Variants in DNAH9 observed in about 807,000 individuals in gnomAD.
DNAH9 encodes the protein dynein axonemal heavy chain 9.
A neutral mutation model predicts 471.6 loss-of-function variants in DNAH9; 345 were observed. That is an observed-to-expected ratio of 0.73 (90% CI 0.67 to 0.80). The LOEUF (loss-of-function observed/expected upper bound fraction) is 0.80, where lower values mean the gene tolerates loss of function less well. Ranked by LOEUF, DNAH9 falls within the 30% of genes least tolerant of loss-of-function variation. DNAH9 has a pLI of 0.00. For synonymous variants in DNAH9, 2,093 were observed against 2,123.6 expected (o/e 0.99, Z 0.40); for missense variants, 5,407 against 5,609.2 (o/e 0.96, Z 1.15).
intron 14 of DNAH9, 123 bp from the exon 15 acceptor site, chr17:11,664,710 T>G: frequency 1.3e-6 from 1 of 780,296 alleles, no homozygotes; most frequent in Non-Finnish European, 2.1e-6. Context: ...GATACATGTG[T>G]AATAGCAAAT....
chr17:11,600,061 C>A (rs563381975), intron 1 of DNAH9, among the ~76,000 whole-genome samples: 9 of 152,108 alleles, frequency 5.9e-5, no homozygotes, highest in African/African-American at 2.2e-4. Flanking sequence ...GTGAAAATTC[C>A]AGGGAAAGGG....
Position 11,880,170 on chromosome 17 carries a change from T to C in DNAH9, c.10571T>C (p.Leu3524Pro). ...TCCATTGATCCTGTTCTGGGACCCCTGCTTGGGAGAGAAGTCATTAAAAAA... is the reference window on the plus strand; with the variant it reads ...TCCATTGATCCTGTTCTGGGACCCCCGCTTGGGAGAGAAGTCATTAAAAAA... ...EESIDPVLGP[L>P]LGREVIKKGR... Residue 3524 changes from leucine to proline, a missense_variant, in exon 54 of 69, where the codon CTG becomes CCG. This residue lies in a region of DNAH9 where 4,636 missense variants were observed against 4,900.3 expected (regional missense o/e 0.95). Transcript: ENST00000262442. 1 of 1,613,904 alleles carries C rather than the reference T, an allele frequency of 6.2e-7. No individual in the cohort carries two copies. Among genetic ancestry groups the C allele is most frequent in the Non-Finnish European group, 8.5e-7 (1 of 1,179,856 alleles).
chr17:11,792,145 A>T (rs1969087596), intron 41 of DNAH9, among the ~76,000 whole-genome samples: 1 of 151,874 alleles, frequency 6.6e-6, no homozygotes, highest in Non-Finnish European at 1.5e-5. Flanking sequence ...ATGGTGGCGC[A>T]TGCCTGCAAT....
chr17:11,965,554 T>C (rs1422724215), intron 68 of DNAH9, among the ~76,000 whole-genome samples: 4 of 152,174 alleles, frequency 2.6e-5, no homozygotes, highest in Non-Finnish European at 5.9e-5. Flanking sequence ...AAAAAAATTA[T>C]GATATACAAA....
In DNAH9 at chr17:11,694,426, CA is replaced by C; in HGVS notation, c.4853del (p.Asn1618ThrfsTer26). On this transcript the variant is annotated frameshift_variant, in exon 22 of 69. Transcript: ENST00000262442. LOFTEE classifies it high-confidence loss of function. ...CCTCCGATCTGTTAGACATCCTTTC[CA>C]ACGGCACAGCTCCACAACAGGTAAG... ...SSSDLLDILS[N>X]GTAPQQVQRH... The C allele has an allele frequency of 6.2e-7, 1 of 1,613,206 alleles. No individual in the cohort carries two copies. Among genetic ancestry groups the C allele is most frequent in the Non-Finnish European group, 8.5e-7 (1 of 1,179,866 alleles).
At chr17:11,741,165 G>A (rs936753974) in intron 29 of DNAH9, among the ~76,000 whole-genome samples, 21 of 152,018 alleles carry the variant, frequency 1.4e-4, no homozygotes, top group African/African-American at 4.1e-4. Flanking sequence ...AAATGTGCTC[G>A]AATGAAATGT....
chr17:11,822,715 G>A (rs1380163092), intron 47 of DNAH9, 86 bp from the exon 48 acceptor site: 4 of 1,587,616 alleles, frequency 2.5e-6, no homozygotes, highest in East Asian at 2.2e-5. Flanking sequence ...TCCACATGGT[G>A]GAGGAATGGC....
At position 11,822,793 on chromosome 17, in the gene DNAH9, G is replaced by A; in HGVS notation, c.9013-8G>A. 6.2e-7 allele frequency: 1 copy of A among 1,613,840 alleles called. No individual in the cohort carries two copies. The highest frequency in any genetic ancestry group is 1.1e-5 in the South Asian group (1 of 91,046). ...ATAATCTTTTCATTTCTTGCTCTTT[G>A]GTTTTAGCCCACAGTAAAGCAGTCG... is the stretch of plus-strand genomic sequence containing the variant. On this transcript the variant is annotated splice_polypyrimidine_tract_variant and splice_region_variant and intron_variant, in intron 47 of 68. Transcript: ENST00000262442.
chr17:11,641,434 G>A (rs1037327709), intron 10 of DNAH9, among the ~76,000 whole-genome samples: 5 of 152,112 alleles, frequency 3.3e-5, no homozygotes, highest in East Asian at 1.9e-4. Flanking sequence ...TCTGCCCAGC[G>A]GGTGACCCAT....
Position 11,679,979 on chromosome 17 carries a change from G to A in DNAH9, c.3576G>A (p.Glu1192=), listed in dbSNP as rs772242694. Residue 1192 remains glutamate (E), a splice_region_variant and synonymous_variant, in exon 18 of 69, where the codon GAG becomes GAA. Coordinates refer to ENST00000262442, the MANE Select transcript of DNAH9 (RefSeq NM_001372.4). ...ELPETVFKQL[E]ELPEKWNNIK... is the part of the protein sequence containing the mutation. ...CAGAAACAGTGTTTAAGCAGCTGGA[G>A]GTCAGTGCATTTATGTCTTCCTTAT... The A allele has an allele frequency of 1.9e-6, 3 of 1,611,180 alleles. No homozygotes were observed. The highest frequency in any genetic ancestry group is 2.5e-6 in the Non-Finnish European group (3 of 1,177,554).
chr17:11,929,800 A>G, intron 62 of DNAH9, 66 bp from the exon 63 acceptor site: 1 of 1,390,790 alleles, frequency 7.2e-7, no homozygotes, highest in South Asian at 1.3e-5. Context: ...CTTCCTGACA[A>G]CTATTTACTG....
intron 41 of DNAH9, among the ~76,000 whole-genome samples, chr17:11,785,489 A>G (rs7220614): frequency 0.059 from 8,979 of 152,224 alleles, 916 homozygotes; most frequent in African/African-American, 0.21. Flanking sequence ...TGACGACATA[A>G]GGCCAGGTTG....
At chr17:11,671,094 C>T (rs2073964953) in intron 17 of DNAH9, among the ~76,000 whole-genome samples, 1 of 152,208 alleles carries the variant, frequency 6.6e-6, no homozygotes, top group African/African-American at 2.4e-5. Flanking sequence ...AGAGGAAATG[C>T]TGATGGGTGG....
At chr17:11,820,924 T>C (rs1160796635) in intron 45 of DNAH9, among the ~76,000 whole-genome samples, 1 of 151,890 alleles carries the variant, frequency 6.6e-6, no homozygotes, top group African/African-American at 2.4e-5. Flanking sequence ...TTTTCTCTTA[T>C]TTCCCTGCAT....
At chr17:11,862,148 T>C (rs1307207625) in intron 50 of DNAH9, among the ~76,000 whole-genome samples, 2 of 131,878 alleles carry the variant, frequency 1.5e-5, no homozygotes, top group African/African-American at 2.8e-5. Flanking sequence ...TTTATATGGT[T>C]TTAGGTCTAA....
chr17:11,788,268 A>G (rs1968941102), intron 41 of DNAH9, among the ~76,000 whole-genome samples: 1 of 152,324 alleles, frequency 6.6e-6, no homozygotes, highest in South Asian at 2.1e-4. Flanking sequence ...GAGAGCTAAG[A>G]AGGAGACAGA....
chr17:11,876,451 A>C (rs764209102), intron 53 of DNAH9, among the ~76,000 whole-genome samples: 32 of 152,006 alleles, frequency 2.1e-4, no homozygotes, highest in Admixed American at 7.8e-4. Context: ...AAAACAATTT[A>C]AATAAAATAA....
chr17:11,652,377 C>A (rs1031103494), intron 13 of DNAH9, among the ~76,000 whole-genome samples: 3 of 149,752 alleles, frequency 2.0e-5, no homozygotes, highest in African/African-American at 7.4e-5. Flanking sequence ...GCTCTGCCTC[C>A]CGGGTTCACG....
intron 62 of DNAH9, among the ~76,000 whole-genome samples, chr17:11,928,341 TTG>T (rs1355175784): frequency 6.6e-6 from 1 of 152,158 alleles, no homozygotes; most frequent in Non-Finnish European, 1.5e-5. Flanking sequence ...GCAAACGTTA[TTG>T]TTATTTCTCT....
Sources: allele counts gnomAD v4.1 joint callset (sites outside exome capture counted in the v4.1 genomes callset), GRCh38; gene constraint gnomAD v4.1.1; regional missense constraint gnomAD v4.1.1; transcripts MANE v1.5; gene names NCBI Gene and HGNC (gene_info 2026-07-23, HGNC 2026-07-21).